Variants in FSTL4 observed in about 807,000 individuals in gnomAD.
FSTL4 encodes the protein follistatin like 4, also known as follistatin-related protein 4.
In FSTL4, 28 loss-of-function variants were observed where a neutral mutation model predicts 78.2. The ratio of observed to expected loss-of-function variants is 0.36; its 90% CI spans 0.27 to 0.49. The LOEUF (loss-of-function observed/expected upper bound fraction) is 0.49. Ranked by LOEUF, FSTL4 falls within the 20% of genes least tolerant of loss-of-function variation. The pLI, the probability that FSTL4 is intolerant of heterozygous loss-of-function variation, is 0.98. For synonymous variants in FSTL4, 422 were observed against 440.5 expected (o/e 0.96, Z 0.53); for missense variants, 922 against 1,084.9 (o/e 0.85, Z 2.11).
intron 6 of FSTL4, among the ~76,000 whole-genome samples, chr5:133,294,048 C>T (rs910627578): frequency 1.3e-5 from 2 of 152,196 alleles, no homozygotes; most frequent in Non-Finnish European, 2.9e-5. Flanking sequence ...TTTTCCCACT[C>T]CCATACCTGC....
At chr5:133,613,083 G>A (rs1761138331), upstream of FSTL4, among the ~76,000 whole-genome samples, 1 of 152,218 alleles carries the variant, frequency 6.6e-6, no homozygotes, top group Non-Finnish European at 1.5e-5. Flanking sequence ...AGTGACATTT[G>A]CCTACCTGAC....
At chr5:133,410,418 C>G (rs1174254380) in intron 3 of FSTL4, among the ~76,000 whole-genome samples, 4 of 152,222 alleles carry the variant, frequency 2.6e-5, no homozygotes, top group Non-Finnish European at 4.4e-5. Context: ...TCTGCACCGT[C>G]TCGCTGATGC....
chr5:133,470,952 G>A (rs1265906426), intron 3 of FSTL4, among the ~76,000 whole-genome samples: 3 of 151,916 alleles, frequency 2.0e-5, no homozygotes, highest in Non-Finnish European at 4.4e-5. Flanking sequence ...GATACAGGAG[G>A]TCTCACATGC....
At chr5:133,239,995 C>G (rs576493241) in intron 7 of FSTL4, among the ~76,000 whole-genome samples, 3 of 152,336 alleles carry the variant, frequency 2.0e-5, no homozygotes, top group Admixed American at 6.5e-5. Context: ...AGTGGCAACA[C>G]GCTGGGATTC....
At chr5:133,486,813 C>T (rs1216080912) in intron 3 of FSTL4, among the ~76,000 whole-genome samples, 1 of 152,144 alleles carries the variant, frequency 6.6e-6, no homozygotes, top group Admixed American at 6.5e-5. Context: ...TTCTTAGGCA[C>T]AAACATACAT....
the FSTL4 span, among the ~76,000 whole-genome samples, chr5:133,653,716 T>A: frequency 8.1e-3 from 1,239 of 152,340 alleles, 17 homozygotes; most frequent in African/African-American, 0.028. Context: ...AGTTAAATTA[T>A]GTCTTTGATA....
chr5:133,270,487 C>G lies in FSTL4; in HGVS notation c.728-20911G>C, dbSNP rs556587485. ...TATTAGCGCTCCGTTCCTGAAACGGCGTGGCAGCTGAAGGGCATAGTTACA... is the reference window on the plus strand; with the variant it reads ...TATTAGCGCTCCGTTCCTGAAACGGGGTGGCAGCTGAAGGGCATAGTTACA... On this transcript the variant is annotated intron_variant, in intron 6 of 15. Coordinates refer to ENST00000265342, the MANE Select transcript of FSTL4 (RefSeq NM_015082.2). Among the ~76,000 whole-genome samples the G allele has an allele frequency of 3.3e-5, 5 of 152,266 alleles. 1 individual carries two copies. The South Asian group carries it at 1.0e-3, about 32-fold the overall frequency.
intron 6 of FSTL4, among the ~76,000 whole-genome samples, chr5:133,276,773 T>C (rs1410625489): frequency 1.3e-5 from 2 of 152,234 alleles, no homozygotes; most frequent in African/African-American, 2.4e-5. Flanking sequence ...AGAACATTCA[T>C]AGGACCATTA....
chr5:133,498,434 A>C (rs1561740915), intron 3 of FSTL4, among the ~76,000 whole-genome samples: 1 of 152,208 alleles, frequency 6.6e-6, no homozygotes, highest in Non-Finnish European at 1.5e-5. Flanking sequence ...AAAATAATAG[A>C]TCAGCCAGGC....
At chr5:133,710,538 A>G in the FSTL4 span, among the ~76,000 whole-genome samples, 13 of 152,300 alleles carry the variant, frequency 8.5e-5, no homozygotes, top group South Asian at 2.3e-3. Context: ...ACACTGTTTC[A>G]TGGGGCACAA....
At chr5:133,689,542 T>C in the FSTL4 span, among the ~76,000 whole-genome samples, 32 of 152,324 alleles carry the variant, frequency 2.1e-4, no homozygotes, top group Non-Finnish European at 2.9e-5. Flanking sequence ...GATAGTTGCG[T>C]ATGCTATGCT....
intron 3 of FSTL4, among the ~76,000 whole-genome samples, chr5:133,464,948 C>T (rs1438879090): frequency 6.6e-6 from 1 of 152,152 alleles, no homozygotes; most frequent in Admixed American, 6.5e-5. Context: ...GCTTGGCTTC[C>T]CCAACCCCCA....
chr5:133,477,118 CCTA>C (rs1222780187), intron 3 of FSTL4, among the ~76,000 whole-genome samples: 4 of 152,028 alleles, frequency 2.6e-5, no homozygotes, highest in Non-Finnish European at 5.9e-5. Flanking sequence ...AAGATGTTTA[CCTA>C]CTATTTAGGT....
chr5:133,395,471 C>T (rs1756001744), intron 4 of FSTL4, among the ~76,000 whole-genome samples: 1 of 152,200 alleles, frequency 6.6e-6, no homozygotes. Flanking sequence ...GACACACCAT[C>T]TTTAAGAACT....
At chr5:133,277,503 C>A (rs1467817266) in intron 6 of FSTL4, among the ~76,000 whole-genome samples, 1 of 152,164 alleles carries the variant, frequency 6.6e-6, no homozygotes, top group Non-Finnish European at 1.5e-5. Flanking sequence ...ATGCTGCACT[C>A]CACTTACTAT....
chr5:133,481,415 A>T (rs1167576045), intron 3 of FSTL4, among the ~76,000 whole-genome samples: 1 of 151,808 alleles, frequency 6.6e-6, no homozygotes, highest in Non-Finnish European at 1.5e-5. Flanking sequence ...GGTGGCACAC[A>T]CCTATAGTTC....
chr5:133,319,613 C>G (rs1304535858), intron 4 of FSTL4, among the ~76,000 whole-genome samples: 1 of 152,138 alleles, frequency 6.6e-6, no homozygotes, highest in Non-Finnish European at 1.5e-5. Context: ...ACAAGACAGG[C>G]AGGAGAGGGC....
the FSTL4 span, among the ~76,000 whole-genome samples, chr5:133,717,326 TG>T: frequency 6.6e-6 from 1 of 152,240 alleles, no homozygotes; most frequent in South Asian, 2.1e-4. Context: ...GAACAACATT[TG>T]TTTTCTCCAG....
intron 2 of FSTL4, among the ~76,000 whole-genome samples, chr5:133,601,764 C>A (rs868859745): frequency 1.3e-5 from 2 of 150,504 alleles, no homozygotes; most frequent in South Asian, 2.1e-4. Flanking sequence ...CTTGTTGCAG[C>A]CTTGACTTCC....
Sources: allele counts gnomAD v4.1 joint callset (sites outside exome capture counted in the v4.1 genomes callset), GRCh38; gene constraint gnomAD v4.1.1; transcripts MANE v1.5; gene names NCBI Gene and HGNC (gene_info 2026-07-23, HGNC 2026-07-21).